Variants in PHC3 observed in about 807,000 individuals in gnomAD.
PHC3 encodes the protein polyhomeotic homolog 3.
PHC3 carries 13 observed loss-of-function variants against 107.4 expected under a neutral mutation model. The ratio of observed to expected loss-of-function variants is 0.12; its 90% CI spans 0.08 to 0.19. The LOEUF is 0.19. Ranked by LOEUF, PHC3 falls within the 10% of genes least tolerant of loss-of-function variation. The pLI is 1.00. For synonymous variants in PHC3, 456 were observed against 427.4 expected, an observed-to-expected ratio of 1.07 and a Z score of -0.83; for missense variants, 992 against 1,210.9, an observed-to-expected ratio of 0.82 and a Z score of 2.68.
chr3:170,129,442 G>C lies in PHC3; in HGVS notation c.1030C>G (p.Gln344Glu). 1 of 1,613,952 alleles carries C rather than the reference G, an allele frequency of 6.2e-7. No individual in the cohort carries two copies. The highest frequency in any genetic ancestry group is 1.7e-5 in the Admixed American group (1 of 60,006). Residue 344 changes from glutamine (Q) to glutamate (E), a missense_variant, in exon 8 of 15, where the codon CAG becomes GAG. Coordinates refer to ENST00000495893, the MANE Select transcript of PHC3 (RefSeq NM_024947.4). ...TGAAGTGTGATTGGCTGAATTTGCT[G>C]TTGCTGCTGTTGTAATATCAGCTGA... ...HHQLILQQQQ[Q>E]QIQPITLQNS... is the part of the protein sequence containing the mutation.
intron 4 of PHC3, among the ~76,000 whole-genome samples, chr3:170,159,446 A>G (rs1166410797): frequency 6.6e-5 from 10 of 152,142 alleles, no homozygotes; most frequent in African/African-American, 1.9e-4. Flanking sequence ...AAAGTTAAGG[A>G]AATATCCCAC....
At position 170,092,621 on chromosome 3, in the gene PHC3, T is replaced by C. The variant is rs1372726495; in HGVS notation, c.*4609A>G. On this transcript the variant is annotated 3_prime_UTR_variant, in exon 15 of 15. Transcript: ENST00000495893. ...ACACAACCTAGCAAATAAAATACTA[T>C]CTTAAAATGCCTCTCTTTATAACAA... 1 of 152,204 alleles carries C rather than the reference T, an allele frequency of 6.6e-6. No homozygotes were observed. Among genetic ancestry groups the C allele is most frequent in the Non-Finnish European group, 1.5e-5 (1 of 68,032 alleles). The allele number at this position is 152,204 out of a possible 1,614,324, so 9.4% of individuals were successfully genotyped here.
intron 11 of PHC3, among the ~76,000 whole-genome samples, chr3:170,109,983 T>G (rs1462829040): frequency 1.3e-5 from 2 of 152,148 alleles, no homozygotes; most frequent in Non-Finnish European, 2.9e-5. Flanking sequence ...AGAAAGTATT[T>G]AAAATTTTAG....
chr3:170,163,861 C>CAAAA lies in PHC3; in HGVS notation c.414+7508_414+7511dup, dbSNP rs200514068. Among the ~76,000 whole-genome samples the CAAAA allele has an allele frequency of 9.2e-4, 78 of 85,098 alleles. No homozygotes were observed. In the East Asian group the frequency reaches 0.015, roughly 16 times the overall value. The allele number at this position is 85,098 out of a possible 152,430, so 55.8% of individuals were successfully genotyped here. On this transcript the variant is annotated intron_variant, in intron 4 of 14. Transcript: ENST00000495893. ...CTGGGCAACAGTGCAAGACTCTGTCCAAAAAAAAAAAAAAAAAAAAAAAGG... is the reference window on the plus strand; with the variant it reads ...CTGGGCAACAGTGCAAGACTCTGTCCAAAAAAAAAAAAAAAAAAAAAAAAAAAGG...
chr3:170,179,063 C>T (rs902403088), intron 1 of PHC3, 125 bp from the exon 2 acceptor site: 3 of 869,016 alleles, frequency 3.5e-6, no homozygotes, highest in African/African-American at 3.4e-5. Flanking sequence ...TAAAAGACAG[C>T]CAACACACAG....
chr3:170,102,519 C>G lies in PHC3; in HGVS notation c.2793G>C (p.Trp931Cys). Reference sequence around the variant, plus strand: ...TGAAGGCCCAGACATCATCAACTGTCCATATAGATGGCTCTGTTTGTGCAA... The same window carrying G: ...TGAAGGCCCAGACATCATCAACTGTGCATATAGATGGCTCTGTTTGTGCAA... The part of the protein sequence containing the change: ...LPVAQTEPSI[W>C]TVDDVWAFIH... The change falls in exon 14 of 15, where the codon TGG (tryptophan) becomes TGC (cysteine). Residue 931 changes from tryptophan (W) to cysteine (C), a missense_variant. Trp to Cys is a radical substitution (Grantham distance 215). Around this residue, in one of 6 missense-constraint regions of PHC3, gnomAD observed 228 missense variants for 288.8 expected, o/e 0.79. Transcript: ENST00000495893. 6.2e-7 allele frequency: 1 copy of G among 1,613,794 alleles called. No individual in the cohort carries two copies. The highest frequency in any genetic ancestry group is 8.5e-7 in the Non-Finnish European group (1 of 1,179,818).
chr3:170,128,505 C>T (rs1038710372), intron 8 of PHC3, 179 bp downstream of exon 8: 26 of 1,128,330 alleles, frequency 2.3e-5, no homozygotes, highest in Non-Finnish European at 3.0e-5. Flanking sequence ...CCACACTAAA[C>T]AAACAATGGC....
At chr3:170,135,631 T>TA (rs1245295329) in intron 7 of PHC3, among the ~76,000 whole-genome samples, 3 of 149,630 alleles carry the variant, frequency 2.0e-5, no homozygotes, top group African/African-American at 7.4e-5. Context: ...CATGAGAAGA[T>TA]AAAAGACGCT....
intron 11 of PHC3, among the ~76,000 whole-genome samples, chr3:170,107,715 G>A (rs1716836783): frequency 6.6e-6 from 1 of 152,082 alleles, no homozygotes; most frequent in East Asian, 1.9e-4. Flanking sequence ...AACCACTGAT[G>A]CTTTTTTTCA....
chr3:170,167,576 A>G (rs543889659), intron 4 of PHC3, among the ~76,000 whole-genome samples: 110 of 152,108 alleles, frequency 7.2e-4, no homozygotes, highest in African/African-American at 2.3e-3. Context: ...CCTGGCCAAC[A>G]TGGCAAAACC....
At position 170,102,685 on chromosome 3, in the gene PHC3, T is replaced by A. The variant is rs1203286278; in HGVS notation, c.2627A>T (p.Glu876Val). 6 of 1,613,870 alleles carry A rather than the reference T, an allele frequency of 3.7e-6. No homozygotes were observed. The highest frequency in any genetic ancestry group is 5.1e-6 in the Non-Finnish European group (6 of 1,179,868). Reference sequence around the variant, plus strand: ...ATCTTCATGAGAAGCCAAGTCTTCTTCTGCAGATGGATAAGTAATTGGAAG... The same window carrying A: ...ATCTTCATGAGAAGCCAAGTCTTCTACTGCAGATGGATAAGTAATTGGAAG... ...RQLPITYPSAEEDLASHEDSV... is the reference protein window; with the variant it reads ...RQLPITYPSAVEDLASHEDSV... The change falls in exon 14 of 15, where the codon GAA (glutamate) becomes GTA (valine). Residue 876 changes from glutamate to valine, a missense_variant. Transcript: ENST00000495893.
intron 4 of PHC3, among the ~76,000 whole-genome samples, chr3:170,164,893 T>C (rs1313564818): frequency 2.0e-5 from 3 of 152,186 alleles, no homozygotes; most frequent in Admixed American, 1.3e-4. Flanking sequence ...AAAAAAACTG[T>C]GGCCCCACCC....
intron 8 of PHC3, chr3:170,126,104 A>C (rs1721188352): frequency 3.3e-6 from 1 of 299,370 alleles, no homozygotes; most frequent in Admixed American, 6.5e-5. Context: ...TATCTTAAAA[A>C]ACATACTGAT....
intron 4 of PHC3, among the ~76,000 whole-genome samples, chr3:170,153,876 T>G (rs377174935): frequency 6.6e-6 from 1 of 152,210 alleles, no homozygotes; most frequent in East Asian, 1.9e-4. Context: ...TAGCAAGGTA[T>G]GTGTAGTATC....
intron 6 of PHC3, 152 bp from the exon 7 acceptor site, chr3:170,136,817 G>C: frequency 1.3e-6 from 1 of 766,574 alleles, no homozygotes; most frequent in Non-Finnish European, 1.9e-6. Context: ...TAATCCTTAA[G>C]GAAAGGAGAG....
intron 3 of PHC3, among the ~76,000 whole-genome samples, chr3:170,172,011 G>A (rs1489307303): frequency 1.3e-5 from 2 of 152,078 alleles, no homozygotes; most frequent in Non-Finnish European, 2.9e-5. Flanking sequence ...ATGAAATCCT[G>A]TTATCAGTAG....
intron 7 of PHC3, among the ~76,000 whole-genome samples, chr3:170,134,890 G>C (rs1038941680): frequency 2.0e-5 from 3 of 152,160 alleles, no homozygotes; most frequent in Admixed American, 2.0e-4. Context: ...AACCAGAAGG[G>C]ACCATAAAAG....
intron 4 of PHC3, among the ~76,000 whole-genome samples, chr3:170,168,357 G>T (rs1729052363): frequency 6.6e-6 from 1 of 152,074 alleles, no homozygotes; most frequent in South Asian, 2.1e-4. Flanking sequence ...TTTTTAGTTG[G>T]TTTAACTTCC....
Position 170,097,035 on chromosome 3 carries a change from AAT to A in PHC3, c.*193_*194del. ...TGTAACCTGTAAAATTAATTTTACC[AAT>A]GTTTATTAATTATGAAAATGCATGA... On this transcript the variant is annotated 3_prime_UTR_variant, in exon 15 of 15. Transcript: ENST00000495893. This position sits in a 1 kb window ranked among gnomAD's most constrained non-coding sequence, Gnocchi z 4.1. The A allele has an allele frequency of 2.2e-6, 1 of 447,680 alleles. No individual in the cohort carries two copies. Among genetic ancestry groups the A allele is most frequent in the Non-Finnish European group, 3.8e-6 (1 of 260,932 alleles). The allele number at this position is 447,680 out of a possible 1,614,324, so 27.7% of individuals were successfully genotyped here.
Sources: allele counts gnomAD v4.1 joint callset (sites outside exome capture counted in the v4.1 genomes callset), GRCh38; gene constraint gnomAD v4.1.1; regional missense constraint gnomAD v4.1.1; non-coding constraint Gnocchi (gnomAD v3.1); transcripts MANE v1.5; gene names NCBI Gene and HGNC (gene_info 2026-07-23, HGNC 2026-07-21).